Variants in DDX3X observed in about 807,000 individuals in gnomAD.
DDX3X encodes ATP-dependent RNA helicase DDX3X.
A neutral mutation model predicts 52.7 loss-of-function variants in DDX3X; 4 were observed. The observed-to-expected ratio is 0.08, with a 90% CI of 0.04 to 0.17. The LOEUF is 0.17. DDX3X is among the 10% of genes least tolerant of loss of function. The probability of loss-of-function intolerance (pLI) is 1.00; values close to 1 mark genes in which losing one functional copy is unlikely to be tolerated. For synonymous variants in DDX3X, 192 were observed against 178.1 expected, an observed-to-expected ratio of 1.08 and a Z score of -0.62; for missense variants, 222 against 548.6, an observed-to-expected ratio of 0.40 and a Z score of 5.95.
chrX:41,341,732 A>G, intron 4 of DDX3X, 116 bp downstream of exon 4: 2 of 717,802 alleles, frequency 2.8e-6, no homozygotes, highest in Non-Finnish European at 4.0e-6. Flanking sequence ...GTATTTTCTT[A>G]GCCGTAAGAG....
intron 3 of DDX3X, chrX:41,340,875 A>G: frequency 3.4e-6 from 1 of 295,650 alleles, no homozygotes; most frequent in Non-Finnish European, 5.9e-6. Flanking sequence ...TTAAATTGTT[A>G]TGGTCACACA....
chrX:41,355,860 T>C (rs1414240692), intron 5 of DDX3X, among the ~76,000 whole-genome samples: 1 of 110,527 alleles, frequency 9.0e-6, no homozygotes, highest in South Asian at 3.8e-4. Flanking sequence ...ATTTCTCTAA[T>C]GGCTGGTGAT....
downstream of DDX3X, chrX:41,350,596 A>C (rs979233768): frequency 9.0e-6 from 1 of 111,212 alleles, no homozygotes; most frequent in Admixed American, 9.6e-5. Context: ...TAGTCCAACA[A>C]GTGATGGTAA....
chrX:41,335,431 C>G (rs190319977), intron 1 of DDX3X: 2 of 97,815 alleles, frequency 2.0e-5, no homozygotes, highest in African/African-American at 7.2e-5. Context: ...AGCCAGAATC[C>G]CCTCTTCTAA....
intron 1 of DDX3X, 133 bp downstream of exon 1, chrX:41,334,430 G>A: frequency 7.1e-6 from 8 of 1,129,096 alleles, no homozygotes; most frequent in Non-Finnish European, 9.4e-6. Context: ...GGGTGTGAGT[G>A]CCCCGGGGCT....
exon 6 of DDX3X, chrX:41,364,400 GC>G (rs1435729867): frequency 3.4e-6 from 1 of 295,233 alleles, no homozygotes; most frequent in Non-Finnish European, 5.9e-6. Flanking sequence ...TGACACCCGT[GC>G]CCAGCCTGAG....
In DDX3X at chrX:41,341,596, T is replaced by A; in HGVS notation, c.264T>A (p.Arg88=). 8.3e-7 allele frequency: 1 copy of A among 1,211,072 alleles called. No homozygotes were observed. Among genetic ancestry groups the A allele is most frequent in the African/African-American group, 1.7e-5 (1 of 57,755 alleles). Residue 88 remains arginine (R), a synonymous_variant, in exon 4 of 17, where the codon CGT becomes CGA. Transcript: ENST00000644876. ...GGAAGTCTAGCTTCTTCAGTGATCG[T>A]GGAAGTGGATCAAGGGGAAGGTAAG... ...SRGKSSFFSD[R]GSGSRGRFDD...
At chrX:41,340,453 G>GCTGTTT (rs1302103421) in intron 3 of DDX3X, 1 of 142,062 alleles carries the variant, frequency 7.0e-6, no homozygotes, top group East Asian at 1.6e-4. Flanking sequence ...GAATTGAGAA[G>GCTGTTT]CTGTTTCTGT....
rs1198871978 is a variant in DDX3X, at chrX:41,341,498, G to A, written c.166G>A (p.Asp56Asn). 8.3e-7 allele frequency: 1 copy of A among 1,205,178 alleles called. No homozygotes were observed. Among genetic ancestry groups the A allele is most frequent in the Non-Finnish European group, 1.1e-6 (1 of 890,622 alleles). ...TTTAATCAAAGGTTTCTACGATAAA[G>A]ACAGTTCAGGGTGGAGTTCTAGCAA... ...REATKGFYDK[D>N]SSGWSSSKDK... The change falls in exon 4 of 17, where the codon GAC (aspartate) becomes AAC (asparagine). Residue 56 changes from aspartate to asparagine, a missense_variant. Transcript: ENST00000644876.
At position 41,347,664 on chromosome X, in the gene DDX3X, G is replaced by C; in HGVS notation, c.1934G>C (p.Ser645Thr). 8.3e-7 allele frequency: 1 copy of C among 1,201,834 alleles called. No individual in the cohort carries two copies. Among genetic ancestry groups the C allele is most frequent in the Non-Finnish European group, 1.1e-6 (1 of 890,285 alleles). The change falls in exon 17 of 17, where the codon AGT (serine) becomes ACT (threonine). Residue 645 changes from serine to threonine, a missense_variant. By Grantham distance (58) the Ser-to-Thr change is moderately conservative. Transcript: ENST00000644876. ...GGGGYGGFYN[S>T]DGYGGNYNSQ... ...GGTGGCTATGGAGGCTTTTACAACA[G>C]TGATGGATATGGAGGAAATTATAAC... is the stretch of plus-strand genomic sequence containing the variant.
downstream of DDX3X, chrX:41,351,006 T>C (rs894658993): frequency 5.3e-5 from 6 of 112,202 alleles, no homozygotes; most frequent in East Asian, 1.1e-3. Flanking sequence ...AAAATAAGCA[T>C]AAGTTTTTAG....
chrX:41,334,689 C>T (rs1461619454), intron 1 of DDX3X: 14 of 1,011,954 alleles, frequency 1.4e-5, no homozygotes, highest in Non-Finnish European at 1.8e-5. Context: ...TGGAGGGCTT[C>T]GGCCTTCACG....
intron 1 of DDX3X, chrX:41,336,159 G>A (rs137910598): frequency 4.5e-5 from 5 of 112,207 alleles, no homozygotes; most frequent in African/African-American, 1.6e-4. Context: ...TTATAAACAT[G>A]GTATGTAGTG....
At chrX:41,346,706 T>C in intron 14 of DDX3X, 84 bp downstream of exon 14, 1 of 957,256 alleles carries the variant, frequency 1.0e-6, no homozygotes, top group Admixed American at 2.9e-5. Context: ...AAAATACATT[T>C]TTAACAATGA....
downstream of DDX3X, among the ~76,000 whole-genome samples, chrX:41,353,085 T>C (rs2063995377): frequency 9.0e-6 from 1 of 111,465 alleles, no homozygotes; most frequent in Admixed American, 9.6e-5. Context: ...ATGCAAATCC[T>C]GTGCTTTCTT....
chrX:41,334,448 G>A (rs1401011273), intron 1 of DDX3X, 151 bp downstream of exon 1: 21 of 1,113,836 alleles, frequency 1.9e-5, no homozygotes, highest in East Asian at 3.3e-5. Flanking sequence ...GCTATAGAGG[G>A]ATAGGAATGT....
chrX:41,355,408 C>T (rs2064004347), intron 5 of DDX3X, among the ~76,000 whole-genome samples: 2 of 111,209 alleles, frequency 1.8e-5, no homozygotes, highest in African/African-American at 6.5e-5. Context: ...TTCCTACCAG[C>T]AATGCAGGAC....
At chrX:41,335,402 C>T (rs941810345) in intron 1 of DDX3X, 1 of 108,337 alleles carries the variant, frequency 9.2e-6, no homozygotes, top group Admixed American at 9.9e-5. Flanking sequence ...GGGTCCCAGG[C>T]CCCCGGGTTT....
In DDX3X at chrX:41,348,031, C is replaced by A; in HGVS notation, c.*312C>A. ...ATCATTTGTTTGTTAATGTACTGTG[C>A]CTTTAACTTTAGACAACTTTTTATT... On this transcript the variant is annotated 3_prime_UTR_variant, in exon 17 of 17. Transcript: ENST00000644876. 1 of 308,268 alleles carries A rather than the reference C, an allele frequency of 3.2e-6. No individual in the cohort carries two copies. The highest frequency in any genetic ancestry group is 5.6e-6 in the Non-Finnish European group (1 of 178,094). The allele number at this position is 308,268 out of a possible 1,213,427, so 25.4% of individuals were successfully genotyped here. A position where few individuals can be genotyped will look rare whatever the true frequency, so the allele number is the denominator to read the frequency against.
Sources: gnomAD v4.1 joint callset for allele counts (sites outside exome capture counted in the v4.1 genomes callset) on GRCh38, gnomAD v4.1.1 for gene constraint, MANE v1.5 for transcripts, NCBI Gene and HGNC (gene_info 2026-07-23, HGNC 2026-07-21) for gene names.